Variants in ZGPAT observed in about 807,000 individuals in gnomAD.
ZGPAT encodes the protein zinc finger CCCH-type and G-patch domain containing.
A neutral mutation model predicts 47.9 loss-of-function variants in ZGPAT; 39 were observed. The observed-to-expected ratio is 0.81, with a 90% CI of 0.63 to 1.06. The LOEUF (loss-of-function observed/expected upper bound fraction) is 1.06. Ranked by LOEUF, ZGPAT falls within the 50% of genes least tolerant of loss-of-function variation. ZGPAT has a pLI of 0.00. For missense variants in ZGPAT, 717 were observed against 681.4 expected, an observed-to-expected ratio of 1.05 and a Z score of -0.58; for synonymous variants, 348 against 292.9, an observed-to-expected ratio of 1.19 and a Z score of -1.92.
intron 2 of ZGPAT, among the ~76,000 whole-genome samples, chr20:63,716,440 G>A (rs1018161604): frequency 6.6e-6 from 1 of 151,580 alleles, no homozygotes; most frequent in Non-Finnish European, 1.5e-5. Flanking sequence ...TATAGCCCTA[G>A]TTATTTCTGT....
chr20:63,719,303 T>C (rs904444081), intron 2 of ZGPAT, among the ~76,000 whole-genome samples: 5 of 152,212 alleles, frequency 3.3e-5, no homozygotes, highest in African/African-American at 1.2e-4. Context: ...ATTCATGTCT[T>C]TCATTAAATT....
At chr20:63,731,050 T>G (rs2091896333) in intron 2 of ZGPAT, among the ~76,000 whole-genome samples, 1 of 151,912 alleles carries the variant, frequency 6.6e-6, no homozygotes, top group African/African-American at 2.4e-5. Flanking sequence ...GGCATCACTA[T>G]TTCATAAGCA....
At chr20:63,728,051 T>TC (rs1458345467) in intron 2 of ZGPAT, among the ~76,000 whole-genome samples, 1 of 151,516 alleles carries the variant, frequency 6.6e-6, no homozygotes, top group Non-Finnish European at 1.5e-5. Flanking sequence ...TTTTTTTTTT[T>TC]TTGAGATGGA....
chr20:63,709,030 C>G lies in ZGPAT; in HGVS notation c.450C>G (p.Ala150=). 5 of 1,613,712 alleles carry G rather than the reference C, an allele frequency of 3.1e-6. No individual in the cohort carries two copies. The highest frequency in any genetic ancestry group is 4.2e-6 in the Non-Finnish European group (5 of 1,180,008). The stretch of plus-strand genomic sequence containing the variant: ...GGGGCACTCTGGAGTATCACAACGC[C>G]ATGGTGGTGGGAACGGAAGAGGCGG... ...SSWGTLEYHN[A]MVVGTEEAED... is the part of the protein sequence containing the mutation. Residue 150 remains alanine (A), a synonymous_variant, in exon 2 of 7, where the codon GCC becomes GCG. Coordinates refer to ENST00000355969, the MANE Select transcript of ZGPAT (RefSeq NM_181485.3).
Position 63,708,605 on chromosome 20 carries a change from G to A in ZGPAT, c.25G>A (p.Ala9Thr). 1 of 1,606,642 alleles carries A rather than the reference G, an allele frequency of 6.2e-7. No homozygotes were observed. Among genetic ancestry groups the A allele is most frequent in the South Asian group, 1.1e-5 (1 of 90,764 alleles). ...CATGGACGAGGAGAGCCTGGAGTCG[G>A]CCTTGCAGACCTACCGTGCGCAGCT... MDEESLES[A>T]LQTYRAQLQQ... is the part of the protein sequence containing the mutation. Residue 9 changes from alanine (A) to threonine (T), a missense_variant, in exon 2 of 7, where the codon GCC (alanine) becomes ACC (threonine). Coordinates refer to ENST00000355969, the MANE Select transcript of ZGPAT (RefSeq NM_181485.3).
intron 2 of ZGPAT, among the ~76,000 whole-genome samples, chr20:63,725,460 T>C (rs2091835455): frequency 6.6e-6 from 1 of 152,244 alleles, no homozygotes; most frequent in Non-Finnish European, 1.5e-5. Context: ...TTGTTTCTGA[T>C]GAGAAGTCAT....
chr20:63,733,114 C>A, intron 2 of ZGPAT, 105 bp from the exon 3 acceptor site: 1 of 1,465,748 alleles, frequency 6.8e-7, no homozygotes, highest in Non-Finnish European at 9.2e-7. Context: ...GCGTGTGTGT[C>A]TGTCTCCCTC....
At position 63,733,265 on chromosome 20, in the gene ZGPAT, C is replaced by CAGG; in HGVS notation, c.633_635dup (p.Gln211_Asp212insGlu). ...CTCTCTGGATGAGCTGCGCCCCTTCCAGGACCCAGACCTGAGCTCCCTGCA... is the reference window on the plus strand; with the variant it reads ...CTCTCTGGATGAGCTGCGCCCCTTCCAGGAGGACCCAGACCTGAGCTCCCTGCA... On this transcript the variant is annotated inframe_insertion, in exon 3 of 7. Coordinates refer to ENST00000355969, the MANE Select transcript of ZGPAT (RefSeq NM_181485.3). The CAGG allele has an allele frequency of 6.2e-7, 1 of 1,613,844 alleles. No homozygotes were observed. The highest frequency in any genetic ancestry group is 8.5e-7 in the Non-Finnish European group (1 of 1,179,952).
chr20:63,721,871 C>A (rs2091791356), intron 2 of ZGPAT, among the ~76,000 whole-genome samples: 2 of 151,992 alleles, frequency 1.3e-5, no homozygotes, highest in African/African-American at 4.8e-5. Context: ...CAAAAATTAG[C>A]TGGGCGTGGT....
At chr20:63,733,803 C>T (rs755301002) in intron 4 of ZGPAT, 64 bp downstream of exon 4, 88 of 1,550,022 alleles carry the variant, frequency 5.7e-5, no homozygotes, top group Admixed American at 1.3e-4. Flanking sequence ...GGCTCCTGGC[C>T]GGTGAGGGCA....
At chr20:63,718,258 T>C (rs1478561838) in intron 2 of ZGPAT, among the ~76,000 whole-genome samples, 1 of 152,184 alleles carries the variant, frequency 6.6e-6, no homozygotes, top group African/African-American at 2.4e-5. Flanking sequence ...CTTTTGTTTT[T>C]TTGTTCGACT....
intron 2 of ZGPAT, among the ~76,000 whole-genome samples, chr20:63,713,226 A>G (rs1431869299): frequency 6.7e-6 from 1 of 148,676 alleles, no homozygotes; most frequent in African/African-American, 2.5e-5. Context: ...GCCTGCCACC[A>G]CACCCAGCTA....
At chr20:63,709,185 A>T in intron 2 of ZGPAT, 21 bp downstream of exon 2, 2 of 1,604,292 alleles carry the variant, frequency 1.2e-6, no homozygotes, top group South Asian at 2.2e-5. Context: ...TTGTTGTCAG[A>T]TGCCAACCTT....
intron 1 of ZGPAT, 46 bp from the exon 2 acceptor site, chr20:63,708,507 G>A (rs1482636084): frequency 2.1e-6 from 3 of 1,408,472 alleles, no homozygotes; most frequent in Non-Finnish European, 2.9e-6. Context: ...TCAGGCTGTG[G>A]GGTCGGTCCC....
chr20:63,709,067 G>A lies in ZGPAT; in HGVS notation c.487G>A (p.Ala163Thr), dbSNP rs771287246. The change falls in exon 2 of 7, where the codon GCG (alanine) becomes ACG (threonine). Residue 163 changes from alanine (A) to threonine (T), a missense_variant. Transcript: ENST00000355969. ...AACGGAAGAGGCGGAGGATGGCTCG[G>A]CGGGTGTCCGTGTGCTTTACCTGTA... ...VGTEEAEDGS[A>T]GVRVLYLYPT... 1.9e-6 allele frequency: 3 copies of A among 1,613,374 alleles called. No individual in the cohort carries two copies. Among genetic ancestry groups the A allele is most frequent in the Non-Finnish European group, 2.5e-6 (3 of 1,180,032 alleles).
At chr20:63,729,188 A>G (rs1190676386) in intron 2 of ZGPAT, among the ~76,000 whole-genome samples, 1 of 151,674 alleles carries the variant, frequency 6.6e-6, no homozygotes, top group Non-Finnish European at 1.5e-5. Context: ...ACGCCATCAC[A>G]CCGGCTCATT....
At chr20:63,720,523 C>T (rs2091776825) in intron 2 of ZGPAT, among the ~76,000 whole-genome samples, 1 of 152,030 alleles carries the variant, frequency 6.6e-6, no homozygotes, top group Non-Finnish European at 1.5e-5. Context: ...ACAACCCTGG[C>T]ACACTGCAGC....
At chr20:63,732,746 G>A (rs945217431) in intron 2 of ZGPAT, among the ~76,000 whole-genome samples, 1 of 151,930 alleles carries the variant, frequency 6.6e-6, no homozygotes, top group Non-Finnish European at 1.5e-5. Flanking sequence ...CTGTATATGT[G>A]TGTGTATGCC....
At chr20:63,714,203 A>G (rs1290025141) in intron 2 of ZGPAT, among the ~76,000 whole-genome samples, 2 of 152,072 alleles carry the variant, frequency 1.3e-5, no homozygotes, top group African/African-American at 2.4e-5. Flanking sequence ...AAGTGGGCAG[A>G]TCACTTGAGA....
Sources: allele counts gnomAD v4.1 joint callset (sites outside exome capture counted in the v4.1 genomes callset), GRCh38; gene constraint gnomAD v4.1.1; transcripts MANE v1.5; gene names NCBI Gene and HGNC (gene_info 2026-07-23, HGNC 2026-07-21).